EPHX1: variants seen among roughly 807,000 people sequenced by gnomAD.
EPHX1 encodes the protein epoxide hydratase.
A neutral mutation model predicts 43.2 loss-of-function variants in EPHX1; 40 were observed. The ratio of observed to expected loss-of-function variants is 0.93; its 90% CI spans 0.72 to 1.21. EPHX1 has a LOEUF of 1.21. EPHX1 is among the 50% of genes most tolerant of loss of function. The pLI, the probability that EPHX1 is intolerant of heterozygous loss-of-function variation, is 0.00. For missense variants in EPHX1, 550 were observed against 570.4 expected (o/e 0.96, Z 0.36); for synonymous variants, 221 against 226.7 (o/e 0.98, Z 0.22).
Position 225,817,636 on chromosome 1 carries a change from C to G in EPHX1, c.-6+7467C>G, listed in dbSNP as rs752905799. Among the ~76,000 whole-genome samples, 2 of 152,220 alleles carry G rather than the reference C, an allele frequency of 1.3e-5. No individual in the cohort carries two copies. The highest frequency in any genetic ancestry group is 2.9e-5 in the Non-Finnish European group (2 of 68,030). Reference sequence around the variant, plus strand: ...TTCCCTTACCCTCTCTGCCCCCACACTTTCCTCCCCAAAGTGGCAGACTTC... The same window carrying G: ...TTCCCTTACCCTCTCTGCCCCCACAGTTTCCTCCCCAAAGTGGCAGACTTC... On this transcript the variant is annotated intron_variant, in intron 1 of 8. Coordinates refer to ENST00000272167, the MANE Select transcript of EPHX1 (RefSeq NM_001136018.4). The surrounding 1 kb of genome is among the most constrained non-coding windows in gnomAD (Gnocchi z 5.7).
rs374846958 is a variant in EPHX1, at chr1:225,831,632, A to C, written c.184-147A>C. ...TGAAGAACACATCCGCTTTGGGAGT[A>C]GCCAGTGATGTGGGAAACTGCCTTG... is the stretch of plus-strand genomic sequence containing the variant. On this transcript the variant is annotated intron_variant, in intron 2 of 8. Transcript: ENST00000272167. 1.5e-5 allele frequency: 11 copies of C among 732,104 alleles called. No individual in the cohort carries two copies. In the East Asian group the frequency reaches 1.6e-4, roughly 11 times the overall value. The allele number at this position is 732,104 out of a possible 1,614,324, so 45.4% of individuals were successfully genotyped here.
intron 3 of EPHX1, among the ~76,000 whole-genome samples, chr1:225,832,556 G>A (rs552378791): frequency 2.6e-5 from 4 of 152,210 alleles, no homozygotes; most frequent in South Asian, 2.1e-4. Flanking sequence ...AGTTCTTTTG[G>A]ATCTATACTC....
At chr1:225,844,243 G>A (rs996594031) in intron 7 of EPHX1, among the ~76,000 whole-genome samples, 2 of 151,974 alleles carry the variant, frequency 1.3e-5, no homozygotes, top group Non-Finnish European at 2.9e-5. Flanking sequence ...GGAGAGAGGG[G>A]ACAGGTGTGT....
At chr1:225,825,442 A>C (rs1307509773) in intron 1 of EPHX1, 1 of 152,184 alleles carries the variant, frequency 6.6e-6, no homozygotes, top group Non-Finnish European at 1.5e-5. Flanking sequence ...AGCCTGGTGG[A>C]CAGGTGAAAG....
At chr1:225,826,823 G>A (rs975932227) in intron 1 of EPHX1, among the ~76,000 whole-genome samples, 3 of 152,106 alleles carry the variant, frequency 2.0e-5, no homozygotes, top group Admixed American at 1.3e-4. Context: ...GGCACACAGG[G>A]GGCTGAATCT....
intron 3 of EPHX1, among the ~76,000 whole-genome samples, chr1:225,834,315 G>T (rs892132781): frequency 6.6e-6 from 1 of 151,700 alleles, no homozygotes; most frequent in Non-Finnish European, 1.5e-5. Flanking sequence ...TGAGGCAAAA[G>T]AATTGCTTGA....
intron 3 of EPHX1, among the ~76,000 whole-genome samples, chr1:225,835,490 C>T (rs1314542968): frequency 2.0e-5 from 3 of 150,364 alleles, no homozygotes; most frequent in African/African-American, 4.9e-5. Context: ...CCCAGGTTCA[C>T]GCCATTCTCC....
At chr1:225,821,368 C>T (rs1465096937) in intron 1 of EPHX1, among the ~76,000 whole-genome samples, 2 of 151,810 alleles carry the variant, frequency 1.3e-5, no homozygotes, top group African/African-American at 4.8e-5. Context: ...GCCTCAGCCT[C>T]CCGAGTAGCT....
At chr1:225,838,924 A>G (rs753606955) in intron 4 of EPHX1, 43 bp downstream of exon 4, 2 of 1,593,676 alleles carry the variant, frequency 1.3e-6, no homozygotes, top group South Asian at 1.1e-5. Flanking sequence ...CGTCCTCGCC[A>G]AGGGTGGGCC....
chr1:225,830,021 T>C (rs1450812339), intron 2 of EPHX1, among the ~76,000 whole-genome samples: 1 of 152,062 alleles, frequency 6.6e-6, no homozygotes, highest in Non-Finnish European at 1.5e-5. Flanking sequence ...GAGGCTGCAG[T>C]GAGCCAAGAT....
rs150820921 is a variant in EPHX1, at chr1:225,842,609, C to T, written c.1040+135C>T. 74 of 761,546 alleles carry T rather than the reference C, an allele frequency of 9.7e-5. No individual in the cohort carries two copies. In the Middle Eastern group the frequency reaches 1.5e-3, roughly 15 times the overall value. The allele number at this position is 761,546 out of a possible 1,614,324, so 47.2% of individuals were successfully genotyped here. On this transcript the variant is annotated intron_variant, in intron 7 of 8. Transcript: ENST00000272167. ...TATTGTTGGCTTTCTTACAAATCCT[C>T]ACCCTGTGACCAACGTAGCTGCATT...
In EPHX1 at chr1:225,828,706, G is replaced by C; in HGVS notation, c.-5-19G>C. 6.2e-7 allele frequency: 1 copy of C among 1,612,382 alleles called. No individual in the cohort carries two copies. Among genetic ancestry groups the C allele is most frequent in the African/African-American group, 1.3e-5 (1 of 74,904 alleles). ...GGCTGGGCGGGCTCCGTTGTTAATG[G>C]CTTCCCCTCATCTTGCAGGAGCCAT... is the stretch of plus-strand genomic sequence containing the variant. On this transcript the variant is annotated intron_variant, in intron 1 of 8. Coordinates refer to ENST00000272167, the MANE Select transcript of EPHX1 (RefSeq NM_001136018.4).
intron 1 of EPHX1, among the ~76,000 whole-genome samples, chr1:225,815,840 C>T (rs1292560158): frequency 1.3e-5 from 2 of 152,182 alleles, no homozygotes; most frequent in African/African-American, 4.8e-5. Context: ...TGCAAGGAAG[C>T]TTCCAGATCG....
rs746998584 is a variant in EPHX1, at chr1:225,838,655, G to C, written c.366G>C (p.Gly122=). ...CCTGACTGTGCTCTGTCCCCCCAGG[G>C]CTGGACATCCACTTCATCCACGTGA... is the stretch of plus-strand genomic sequence containing the variant. ...RYPHFKTKIE[G]LDIHFIHVKP... Residue 122 remains glycine, a splice_region_variant and synonymous_variant, in exon 4 of 9, where the codon GGG becomes GGC. Coordinates refer to ENST00000272167, the MANE Select transcript of EPHX1 (RefSeq NM_001136018.4). The C allele has an allele frequency of 6.2e-7, 1 of 1,613,830 alleles. No homozygotes were observed. Among genetic ancestry groups the C allele is most frequent in the Admixed American group, 1.7e-5 (1 of 60,008 alleles).
chr1:225,828,519 T>C (rs1461493389), intron 1 of EPHX1, among the ~76,000 whole-genome samples: 1 of 148,804 alleles, frequency 6.7e-6, no homozygotes, highest in Non-Finnish European at 1.5e-5. Flanking sequence ...TTCTAGATCA[T>C]ATATATATAA....
intron 8 of EPHX1, 118 bp downstream of exon 8, chr1:225,844,741 C>T (rs773719891): frequency 3.5e-5 from 52 of 1,480,422 alleles, no homozygotes; most frequent in Non-Finnish European, 4.3e-5. Flanking sequence ...CCTGCAGGTG[C>T]CCCAGGGGCC....
At chr1:225,821,955 A>G (rs934456186) in intron 1 of EPHX1, among the ~76,000 whole-genome samples, 2 of 152,138 alleles carry the variant, frequency 1.3e-5, no homozygotes, top group African/African-American at 4.8e-5. Flanking sequence ...GTAAACTAAC[A>G]AGTACTCTAC....
At chr1:225,816,670 C>T (rs74584776) in intron 1 of EPHX1, among the ~76,000 whole-genome samples, 26,489 of 152,186 alleles carry the variant, frequency 0.17, 2,655 homozygotes, top group Non-Finnish European at 0.22. Context: ...AGCCCACCCG[C>T]GTGGCCTTCC....
At chr1:225,819,305 T>C (rs1054639075) in intron 1 of EPHX1, among the ~76,000 whole-genome samples, 1 of 150,420 alleles carries the variant, frequency 6.6e-6, no homozygotes. Context: ...CTCAGGAGAC[T>C]GAGGCAGGAG....
Sources: gnomAD v4.1 joint callset for allele counts (sites outside exome capture counted in the v4.1 genomes callset) on GRCh38, gnomAD v4.1.1 for gene constraint, Gnocchi (gnomAD v3.1) non-coding constraint, MANE v1.5 for transcripts, NCBI Gene and HGNC (gene_info 2026-07-23, HGNC 2026-07-21) for gene names.